DOCK3: variants seen among roughly 807,000 people sequenced by gnomAD.
The protein encoded by DOCK3 is dedicator of cytokinesis 3, also known as dedicator of cytokinesis protein 3.
DOCK3 carries 60 observed loss-of-function variants against 265.6 expected under a neutral mutation model. That is an observed-to-expected ratio of 0.23 (90% CI 0.18 to 0.28). The LOEUF (loss-of-function observed/expected upper bound fraction) is 0.28. Ranked by LOEUF, DOCK3 falls within the 10% of genes least tolerant of loss-of-function variation. DOCK3 has a pLI of 1.00. For synonymous variants in DOCK3, 881 were observed against 938.0 expected, an observed-to-expected ratio of 0.94 and a Z score of 1.11; for missense variants, 1,981 against 2,594.3, an observed-to-expected ratio of 0.76 and a Z score of 5.14.
At chr3:50,792,627 G>A (rs2042539961) in intron 2 of DOCK3, among the ~76,000 whole-genome samples, 1 of 152,076 alleles carries the variant, frequency 6.6e-6, no homozygotes, top group African/African-American at 2.4e-5. Flanking sequence ...CAAGCTTATT[G>A]AGAGTTTTTA....
At chr3:51,059,455 CCACACACACACACA>C (rs57596003) in intron 5 of DOCK3, among the ~76,000 whole-genome samples, 52 of 140,712 alleles carry the variant, frequency 3.7e-4, no homozygotes, top group South Asian at 9.5e-4. Flanking sequence ...AGAAAAAAAA[CCACACACACACACA>C]CACACACACA....
chr3:51,124,366 G>A lies in DOCK3; in HGVS notation c.747-22183G>A, dbSNP rs1438287396. 2.6e-5 allele frequency among the ~76,000 whole-genome samples: 4 copies of A among 152,162 alleles called. No individual in the cohort carries two copies. In the East Asian group the frequency reaches 7.7e-4, roughly 29 times the overall value. On this transcript the variant is annotated intron_variant, in intron 9 of 52. Coordinates refer to ENST00000266037, the MANE Select transcript of DOCK3 (RefSeq NM_004947.5). Reference sequence around the variant, plus strand: ...TGGTAGCCACTAGCCACATGTGACTGTTGAGCACTTGAAATGTGGCTAATG... The same window carrying A: ...TGGTAGCCACTAGCCACATGTGACTATTGAGCACTTGAAATGTGGCTAATG...
chr3:51,083,627 C>G (rs1034672568), intron 7 of DOCK3, among the ~76,000 whole-genome samples: 1 of 152,052 alleles, frequency 6.6e-6, no homozygotes, highest in Non-Finnish European at 1.5e-5. Flanking sequence ...GGAACTGAAG[C>G]TTTAGTGAAT....
intron 1 of DOCK3, among the ~76,000 whole-genome samples, chr3:50,771,837 C>T (rs534985465): frequency 1.3e-4 from 20 of 151,968 alleles, no homozygotes; most frequent in Non-Finnish European, 2.2e-4. Context: ...GGCGACAGAG[C>T]GAGACTCCAT....
intron 16 of DOCK3, among the ~76,000 whole-genome samples, 181 bp downstream of exon 16, chr3:51,227,626 A>G (rs1686529262): frequency 6.6e-6 from 1 of 152,238 alleles, no homozygotes. Context: ...CAGTGATTCA[A>G]AACCACAAAG....
chr3:50,818,283 A>G (rs1382660539), intron 2 of DOCK3, among the ~76,000 whole-genome samples: 1 of 152,206 alleles, frequency 6.6e-6, no homozygotes, highest in African/African-American at 2.4e-5. Flanking sequence ...GGCCTCCTGA[A>G]TTGTCTGATG....
chr3:50,687,004 G>A (rs1182459674), intron 1 of DOCK3, among the ~76,000 whole-genome samples: 1 of 151,062 alleles, frequency 6.6e-6, no homozygotes, highest in African/African-American at 2.4e-5. Context: ...GAGGTTAGGA[G>A]TTTGAGACCA....
intron 12 of DOCK3, among the ~76,000 whole-genome samples, chr3:51,184,316 CAAAA>C (rs34084936): frequency 7.2e-6 from 1 of 137,960 alleles, no homozygotes; most frequent in Admixed American, 7.5e-5. Flanking sequence ...TGCTTTGAAA[CAAAA>C]AAAAAAAAAA....
chr3:51,195,562 G>A (rs748175803), intron 12 of DOCK3, among the ~76,000 whole-genome samples: 4 of 151,850 alleles, frequency 2.6e-5, no homozygotes, highest in East Asian at 1.9e-4. Context: ...TTACAGATGC[G>A]TGCCATCACG....
At chr3:50,998,469 G>A (rs1292004760) in intron 5 of DOCK3, among the ~76,000 whole-genome samples, 1 of 152,136 alleles carries the variant, frequency 6.6e-6, no homozygotes, top group Admixed American at 6.5e-5. Context: ...TTACGAATGA[G>A]TTGATACAAT....
At chr3:51,306,141 C>T (rs1478067069) in intron 27 of DOCK3, among the ~76,000 whole-genome samples, 1 of 151,730 alleles carries the variant, frequency 6.6e-6, no homozygotes, top group African/African-American at 2.4e-5. Flanking sequence ...GCTAGGATTA[C>T]AGACATGAGC....
Position 51,374,377 on chromosome 3 carries a change from T to C in DOCK3, c.5294-92T>C. On this transcript the variant is annotated intron_variant, in intron 49 of 52. Transcript: ENST00000266037. This position sits in a 1 kb window ranked among gnomAD's most constrained non-coding sequence, Gnocchi z 4.8. ...CCTCACCCTAACTGTAAGGGACACC[T>C]ACCCTGGTTCCCTAGTCCTGAGGAT... 8.4e-7 allele frequency: 1 copy of C among 1,195,002 alleles called. No homozygotes were observed. The highest frequency in any genetic ancestry group is 1.2e-6 in the Non-Finnish European group (1 of 825,112). 74.0% of individuals were successfully genotyped at this position (1,195,002 alleles called of 1,614,324 possible).
chr3:50,826,676 A>G (rs938612038), intron 2 of DOCK3, among the ~76,000 whole-genome samples: 6 of 152,216 alleles, frequency 3.9e-5, no homozygotes, highest in Admixed American at 2.6e-4. Context: ...GATAAAGGAG[A>G]TATTGCATCT....
chr3:51,338,093 A>G (rs578014208), intron 35 of DOCK3, among the ~76,000 whole-genome samples: 29 of 152,334 alleles, frequency 1.9e-4, no homozygotes, highest in Admixed American at 1.6e-3. Flanking sequence ...GGTAGGTGCC[A>G]CTTAATACCC....
At chr3:51,303,550 G>A (rs779656853) in intron 27 of DOCK3, among the ~76,000 whole-genome samples, 3 of 151,688 alleles carry the variant, frequency 2.0e-5, no homozygotes, top group Non-Finnish European at 4.4e-5. Context: ...TCATGAGTTT[G>A]TCTAGCGTCA....
At chr3:51,114,177 A>G (rs1308420979) in intron 9 of DOCK3, among the ~76,000 whole-genome samples, 1 of 152,220 alleles carries the variant, frequency 6.6e-6, no homozygotes, top group African/African-American at 2.4e-5. Context: ...CCAGAGATTT[A>G]GATATTAGCA....
chr3:50,790,879 T>G (rs2042437311), intron 2 of DOCK3, among the ~76,000 whole-genome samples: 1 of 152,182 alleles, frequency 6.6e-6, no homozygotes, highest in Admixed American at 6.5e-5. Flanking sequence ...CAATGATACT[T>G]TTTTTCATAT....
At chr3:51,032,386 AT>A (rs1319331484) in intron 5 of DOCK3, among the ~76,000 whole-genome samples, 1 of 152,170 alleles carries the variant, frequency 6.6e-6, no homozygotes, top group African/African-American at 2.4e-5. Flanking sequence ...TTGAGAAATA[AT>A]TTACATAGAC....
chr3:50,882,172 A>T (rs1444136340), intron 3 of DOCK3, among the ~76,000 whole-genome samples: 1 of 152,200 alleles, frequency 6.6e-6, no homozygotes, highest in Admixed American at 6.5e-5. Flanking sequence ...CCTAGAAGAA[A>T]ACCTAGGCAA....
Sources: allele counts gnomAD v4.1 joint callset (sites outside exome capture counted in the v4.1 genomes callset), GRCh38; gene constraint gnomAD v4.1.1; non-coding constraint Gnocchi (gnomAD v3.1); transcripts MANE v1.5; gene names NCBI Gene and HGNC (gene_info 2026-07-23, HGNC 2026-07-21).